The following LIMS1 variants were observed in gnomAD, a reference collection of about 807,000 sequenced individuals.
The protein encoded by LIMS1 is LIM and senescent cell antigen-like-containing domain protein 1.
LIMS1 carries 18 observed loss-of-function variants against 44.1 expected under a neutral mutation model. The observed-to-expected ratio is 0.41, with a 90% CI of 0.28 to 0.61. The LOEUF (loss-of-function observed/expected upper bound fraction) is 0.61, where lower values mean the gene tolerates loss of function less well. Ranked by LOEUF, LIMS1 falls within the 20% of genes least tolerant of loss-of-function variation. The probability of loss-of-function intolerance (pLI) is 0.32; values close to 1 mark genes in which losing one functional copy is unlikely to be tolerated. For missense variants in LIMS1, 201 were observed against 422.0 expected (o/e 0.48, Z 4.59); for synonymous variants, 93 against 149.1 (o/e 0.62, Z 2.74).
intron 1 of LIMS1, among the ~76,000 whole-genome samples, chr2:108,630,894 G>GA (rs760153461): frequency 1.3e-5 from 2 of 152,024 alleles, no homozygotes; most frequent in African/African-American, 2.4e-5. Flanking sequence ...TTTTGTGTTG[G>GA]AAAAAAACAG....
At chr2:108,584,589 A>G (rs768492102) in intron 1 of LIMS1, among the ~76,000 whole-genome samples, 1 of 152,082 alleles carries the variant, frequency 6.6e-6, no homozygotes. Flanking sequence ...GAGCTCATAA[A>G]ATGATCCTCG....
In LIMS1 at chr2:108,580,792, A is replaced by G. The variant is rs545193005; in HGVS notation, c.32+46198A>G. 2.0e-5 allele frequency among the ~76,000 whole-genome samples: 3 copies of G among 152,306 alleles called. No homozygotes were observed. The East Asian group carries it at 5.8e-4, about 29-fold the overall frequency. ...CATTGTGTTCATAGTGGTCCCTTGC[A>G]TGGAGGAGAGAGAGTTTCAGGAGGG... On this transcript the variant is annotated intron_variant, in intron 1 of 9. Transcript: ENST00000544547.
At chr2:108,543,262 C>T (rs1394431754) in intron 1 of LIMS1, among the ~76,000 whole-genome samples, 1 of 152,056 alleles carries the variant, frequency 6.6e-6, no homozygotes, top group Non-Finnish European at 1.5e-5. Flanking sequence ...GGTACCTCAT[C>T]TCTACAAAAA....
chr2:108,588,496 G>A (rs1280144078), intron 1 of LIMS1: 11 of 985,586 alleles, frequency 1.1e-5, no homozygotes, highest in African/African-American at 1.7e-5. Context: ...GGAGCTGGAG[G>A]TGGCTCAGGT....
chr2:108,574,530 C>G (rs1356976196), intron 1 of LIMS1, among the ~76,000 whole-genome samples: 1 of 152,166 alleles, frequency 6.6e-6, no homozygotes, highest in Non-Finnish European at 1.5e-5. Flanking sequence ...TGCTTCTGTG[C>G]TCTCTCACCT....
intron 2 of LIMS1, among the ~76,000 whole-genome samples, chr2:108,667,654 C>CTCA (rs1246607050): frequency 7.3e-5 from 11 of 150,158 alleles, no homozygotes; most frequent in African/African-American, 2.2e-4. Context: ...TCATTTCTAA[C>CTCA]TAATGGAGTT....
intron 2 of LIMS1, among the ~76,000 whole-genome samples, chr2:108,669,852 C>T (rs188982048): frequency 3.6e-4 from 55 of 152,200 alleles, no homozygotes; most frequent in African/African-American, 1.3e-3. Context: ...GGCAGCCCTA[C>T]TCATTTCACT....
chr2:108,571,714 G>A (rs1685485994), intron 1 of LIMS1, among the ~76,000 whole-genome samples: 1 of 152,162 alleles, frequency 6.6e-6, no homozygotes, highest in East Asian at 1.9e-4. Flanking sequence ...AATCTTAAAC[G>A]TTTAATCTTT....
chr2:108,572,697 C>G (rs539671966), intron 1 of LIMS1, among the ~76,000 whole-genome samples: 10 of 152,212 alleles, frequency 6.6e-5, no homozygotes, highest in African/African-American at 2.2e-4. Context: ...CTCTTTTGCT[C>G]TTGATGTGTA....
chr2:108,533,829 A>G (rs1156978646), upstream of LIMS1: 1 of 152,408 alleles, frequency 6.6e-6, no homozygotes, highest in Non-Finnish European at 1.5e-5. Context: ...CTTAACTCAC[A>G]AGTTAAACAA....
chr2:108,551,659 TATATACAC>T (rs1167504116), intron 1 of LIMS1, among the ~76,000 whole-genome samples: 2 of 145,638 alleles, frequency 1.4e-5, no homozygotes, highest in African/African-American at 5.0e-5. Context: ...TATATATATG[TATATACAC>T]ATATATACAT....
At chr2:108,685,225 T>C (rs1419580007) in exon 10 of LIMS1, 1 of 152,100 alleles carries the variant, frequency 6.6e-6, no homozygotes, top group Non-Finnish European at 1.5e-5. Context: ...CACTCTTAAA[T>C]TGGAAGGAGG....
intron 5 of LIMS1, 132 bp downstream of exon 5, chr2:108,673,161 A>G: frequency 1.5e-6 from 2 of 1,349,820 alleles, no homozygotes; most frequent in Admixed American, 2.3e-5. Flanking sequence ...AAACCTATAG[A>G]CGAGTCAAGA....
chr2:108,550,633 G>A (rs1205780599), intron 1 of LIMS1, among the ~76,000 whole-genome samples: 2 of 151,038 alleles, frequency 1.3e-5, no homozygotes, highest in African/African-American at 4.9e-5. Flanking sequence ...AGCTAACACA[G>A]TGAAACCCCA....
At chr2:108,650,571 C>G (rs1295988491) in intron 1 of LIMS1, among the ~76,000 whole-genome samples, 1 of 152,148 alleles carries the variant, frequency 6.6e-6, no homozygotes, top group Non-Finnish European at 1.5e-5. Flanking sequence ...GTGCCCACCA[C>G]CACGCCAGCT....
intron 1 of LIMS1, among the ~76,000 whole-genome samples, chr2:108,643,543 C>T (rs1689853703): frequency 1.3e-5 from 2 of 151,884 alleles, no homozygotes. Flanking sequence ...CCTGGGTTTC[C>T]AGCACAAAAC....
chr2:108,554,068 C>G (rs1684844503), intron 1 of LIMS1, among the ~76,000 whole-genome samples: 1 of 152,142 alleles, frequency 6.6e-6, no homozygotes, highest in African/African-American at 2.4e-5. Flanking sequence ...GACCTGGGCC[C>G]TGGAATTTCC....
At position 108,659,782 on chromosome 2, in the gene LIMS1, A is replaced by G; in HGVS notation, c.192+18A>G. 6.2e-7 allele frequency: 1 copy of G among 1,612,194 alleles called. No individual in the cohort carries two copies. Among genetic ancestry groups the G allele is most frequent in the Non-Finnish European group, 8.5e-7 (1 of 1,179,862 alleles). On this transcript the variant is annotated intron_variant, in intron 2 of 9. Transcript: ENST00000544547. ...TCTATGAGGTGAGTTGCACTGGACAAAAGCAGGGAGGTGCCATTCCCCGCC... is the reference window on the plus strand; with the variant it reads ...TCTATGAGGTGAGTTGCACTGGACAGAAGCAGGGAGGTGCCATTCCCCGCC...
At chr2:108,619,923 T>TACCCTCCCA (rs1688145159) in intron 1 of LIMS1, among the ~76,000 whole-genome samples, 1 of 152,194 alleles carries the variant, frequency 6.6e-6, no homozygotes, top group African/African-American at 2.4e-5. Context: ...GTTTTTTGTA[T>TACCCTCCCA]ACCCTCCCGG....
Sources: allele counts gnomAD v4.1 joint callset (sites outside exome capture counted in the v4.1 genomes callset), GRCh38; gene constraint gnomAD v4.1.1; transcripts MANE v1.5; gene names NCBI Gene and HGNC (gene_info 2026-07-23, HGNC 2026-07-21).